The following ZNF875 variants were observed in gnomAD, a reference collection of about 807,000 sequenced individuals.
The protein encoded by ZNF875 is zinc finger protein 875.
Under a neutral mutation model 11.2 loss-of-function variants are expected in ZNF875, and 14 were observed. The observed-to-expected ratio is 1.26, with a 90% CI of 0.83 to 1.96. The LOEUF is 1.96. Among genes scored for constraint, ZNF875 ranks in the 30% most tolerant of loss-of-function variants. The pLI is 0.00. For missense variants in ZNF875, 752 were observed against 760.4 expected, an observed-to-expected ratio of 0.99 and a Z score of 0.13; for synonymous variants, 301 against 281.1, an observed-to-expected ratio of 1.07 and a Z score of -0.71.
At chr19:37,341,521 T>C (rs2035718775) in intron 2 of ZNF875, among the ~76,000 whole-genome samples, 1 of 152,156 alleles carries the variant, frequency 6.6e-6, no homozygotes, top group African/African-American at 2.4e-5. Flanking sequence ...AATTAACAAG[T>C]AGTTTTAACG....
intron 4 of ZNF875, among the ~76,000 whole-genome samples, chr19:37,357,798 C>T (rs1051985874): frequency 2.0e-5 from 3 of 151,732 alleles, no homozygotes; most frequent in Non-Finnish European, 4.4e-5. Flanking sequence ...ATAGGATTTT[C>T]TAGGTAAAGG....
At chr19:37,322,949 G>A (rs536143982) in intron 2 of ZNF875, among the ~76,000 whole-genome samples, 1 of 152,126 alleles carries the variant, frequency 6.6e-6, no homozygotes, top group South Asian at 2.1e-4. Context: ...ACGAAAATCT[G>A]GAGCTCAGGA....
upstream of ZNF875, among the ~76,000 whole-genome samples, chr19:37,316,488 G>T (rs937263032): frequency 1.3e-5 from 2 of 151,398 alleles, no homozygotes; most frequent in Non-Finnish European, 2.9e-5. Context: ...TCCTGCCTCA[G>T]CCTCCCAAGT....
rs1683994095 is a variant in ZNF875, at chr19:37,362,239, C to T, written c.387C>T (p.Leu129=). 6.2e-6 allele frequency: 10 copies of T among 1,614,068 alleles called. No homozygotes were observed. Among genetic ancestry groups the T allele is most frequent in the South Asian group, 2.2e-5 (2 of 91,086 alleles). ...LFSSLWAGNP[L]HLGKHYPEDQ... is the part of the protein sequence containing the mutation. ...CAAGTTTATGGGCAGGAAATCCTCT[C>T]CACCTGGGAAAACACTATCCAGAAG... The change falls in exon 5 of 5, where the codon CTC becomes CTT. Residue 129 remains leucine, a synonymous_variant. Coordinates refer to ENST00000392153, the MANE Select transcript of ZNF875 (RefSeq NM_001353803.2).
intron 4 of ZNF875, 171 bp from the exon 5 acceptor site, chr19:37,361,935 AAAG>A: frequency 1.9e-6 from 1 of 517,550 alleles, no homozygotes; most frequent in Non-Finnish European, 3.3e-6. Flanking sequence ...CAAAAAAACA[AAAG>A]AAAGTGTAAT....
chr19:37,319,748 C>G (rs1004799969), intron 1 of ZNF875, among the ~76,000 whole-genome samples: 1 of 152,046 alleles, frequency 6.6e-6, no homozygotes. Flanking sequence ...AAACTAAGAC[C>G]GGCTATCCCT....
In ZNF875 at chr19:37,363,106, A is replaced by G. The variant is rs777110767; in HGVS notation, c.1254A>G (p.Gly418=). 2.5e-6 allele frequency: 4 copies of G among 1,612,894 alleles called. No homozygotes were observed. In the South Asian group the frequency reaches 4.4e-5, roughly 18 times the overall value. Residue 418 remains glycine (G), a synonymous_variant, in exon 5 of 5, where the codon GGA becomes GGG. Coordinates refer to ENST00000392153, the MANE Select transcript of ZNF875 (RefSeq NM_001353803.2). ...HLIRHLRTHT[G]EKPYVCTECG... ...TCAGACACTTAAGGACACACACAGGAGAGAAGCCTTATGTATGCACAGAAT... is the reference window on the plus strand; with the variant it reads ...TCAGACACTTAAGGACACACACAGGGGAGAAGCCTTATGTATGCACAGAAT...
chr19:37,327,633 T>G (rs2032703941), intron 4 of ZNF875, among the ~76,000 whole-genome samples: 1 of 151,192 alleles, frequency 6.6e-6, no homozygotes, highest in South Asian at 2.1e-4. Flanking sequence ...CGTGTAGTGG[T>G]GCAGGCCTGT....
chr19:37,313,551 T>C (rs772778603), upstream of ZNF875, among the ~76,000 whole-genome samples: 7 of 152,132 alleles, frequency 4.6e-5, no homozygotes, highest in Non-Finnish European at 1.0e-4. Flanking sequence ...CCTACAATCA[T>C]TGATTCCATG....
Position 37,362,614 on chromosome 19 carries a change from C to T in ZNF875, c.762C>T (p.Tyr254=). The part of the protein sequence containing the change: ...LQKTQTGETP[Y]MYTEWGDSFG... ...AGACACAAACTGGGGAGACACCTTA[C>T]ATGTACACTGAGTGGGGAGACAGCT... The change falls in exon 5 of 5, where the codon TAC becomes TAT. Residue 254 remains tyrosine (Y), a synonymous_variant. Transcript: ENST00000392153. 6.2e-7 allele frequency: 1 copy of T among 1,613,800 alleles called. No individual in the cohort carries two copies. Among genetic ancestry groups the T allele is most frequent in the Non-Finnish European group, 8.5e-7 (1 of 1,179,858 alleles).
At chr19:37,361,130 G>A (rs1464801396) in intron 4 of ZNF875, among the ~76,000 whole-genome samples, 4 of 31,890 alleles carry the variant, frequency 1.3e-4, no homozygotes, top group African/African-American at 4.6e-4. Flanking sequence ...TTTTTTTTTT[G>A]AGACAGAGTC....
chr19:37,357,986 A>G (rs1364970756), intron 4 of ZNF875: 2 of 398,282 alleles, frequency 5.0e-6, no homozygotes, highest in Non-Finnish European at 8.8e-6. Flanking sequence ...GCTTTCGCCC[A>G]TTCAGTATGA....
At chr19:37,334,606 C>T (rs901140460), upstream of ZNF875, 6 of 444,426 alleles carry the variant, frequency 1.4e-5, no homozygotes, top group African/African-American at 1.2e-4. Flanking sequence ...GTCACTTCCG[C>T]TCCCCTCCCT....
intron 4 of ZNF875, chr19:37,359,541 C>G (rs1385497783): frequency 4.0e-6 from 1 of 248,518 alleles, no homozygotes; most frequent in South Asian, 3.4e-5. Context: ...GTAGCTGGGA[C>G]TACAGGTGCA....
At position 37,364,412 on chromosome 19, in the gene ZNF875, C is replaced by G. The variant is rs2040462114; in HGVS notation, c.*637C>G. Reference sequence around the variant, plus strand: ...CATCCCCTCTCCACTGAGAGCTGTTCTTTTGCTCAATAAAATTCTTTTCTA... The same window carrying G: ...CATCCCCTCTCCACTGAGAGCTGTTGTTTTGCTCAATAAAATTCTTTTCTA... On this transcript the variant is annotated 3_prime_UTR_variant, in exon 5 of 5. Coordinates refer to ENST00000392153, the MANE Select transcript of ZNF875 (RefSeq NM_001353803.2). The G allele has an allele frequency of 1.3e-5, 2 of 152,606 alleles. No homozygotes were observed. Among genetic ancestry groups the G allele is most frequent in the Non-Finnish European group, 2.9e-5 (2 of 68,412 alleles). The allele number at this position is 152,606 out of a possible 1,614,324, so 9.5% of individuals were successfully genotyped here.
At chr19:37,321,912 G>T (rs1423458000) in intron 1 of ZNF875, among the ~76,000 whole-genome samples, 1 of 152,186 alleles carries the variant, frequency 6.6e-6, no homozygotes, top group Non-Finnish European at 1.5e-5. Context: ...CCTGATAGCT[G>T]CATTTCTAAG....
chr19:37,356,086 A>T (rs1021488778), intron 4 of ZNF875, among the ~76,000 whole-genome samples: 2 of 152,208 alleles, frequency 1.3e-5, no homozygotes, highest in African/African-American at 2.4e-5. Context: ...AGCTGCATCC[A>T]TGTTGCTGCA....
intron 2 of ZNF875, among the ~76,000 whole-genome samples, chr19:37,342,697 C>T (rs2035981477): frequency 6.6e-6 from 1 of 152,148 alleles, no homozygotes; most frequent in Non-Finnish European, 1.5e-5. Context: ...CAAATGTGAG[C>T]CACCACGCCT....
intron 2 of ZNF875, among the ~76,000 whole-genome samples, chr19:37,339,627 C>G (rs1438979613): frequency 1.4e-5 from 2 of 138,994 alleles, no homozygotes; most frequent in Admixed American, 7.9e-5. Context: ...GTGGTGCAAT[C>G]GATCTCGCCT....
Sources: allele counts gnomAD v4.1 joint callset (sites outside exome capture counted in the v4.1 genomes callset), GRCh38; gene constraint gnomAD v4.1.1; transcripts MANE v1.5; gene names NCBI Gene and HGNC (gene_info 2026-07-23, HGNC 2026-07-21).